S100Z: variants seen among roughly 807,000 people sequenced by gnomAD.
The protein encoded by S100Z is protein S100-Z.
S100Z carries 11 observed loss-of-function variants against 8.5 expected under a neutral mutation model. That is an observed-to-expected ratio of 1.30 (90% CI 0.82 to 2.15). S100Z has a LOEUF of 2.15. Ranked by LOEUF, S100Z falls within the 30% of genes most tolerant of loss-of-function variation. The probability of loss-of-function intolerance (pLI) is 0.00; values close to 1 mark genes in which losing one functional copy is unlikely to be tolerated. For missense variants in S100Z, 126 were observed against 117.9 expected (o/e 1.07, Z -0.32); for synonymous variants, 34 against 43.8 (o/e 0.78, Z 0.89).
At chr5:76,874,870 AAAGACTATT>A (rs766508031) in intron 2 of S100Z, among the ~76,000 whole-genome samples, 7 of 152,006 alleles carry the variant, frequency 4.6e-5, no homozygotes, top group Non-Finnish European at 1.0e-4. Context: ...CTCTTTAATG[AAAGACTATT>A]ATTATTATTA....
intron 1 of S100Z, among the ~76,000 whole-genome samples, chr5:76,862,688 G>A (rs1751096958): frequency 6.6e-6 from 1 of 152,024 alleles, no homozygotes; most frequent in Non-Finnish European, 1.5e-5. Context: ...TGTAGTCCCA[G>A]CTACTCTGGA....
At chr5:76,945,525 G>C in the S100Z span, among the ~76,000 whole-genome samples, 2 of 152,340 alleles carry the variant, frequency 1.3e-5, no homozygotes, top group Admixed American at 6.5e-5. Context: ...GAGAAAAGCC[G>C]CCCTGTGGCG....
intron 4 of S100Z, among the ~76,000 whole-genome samples, chr5:76,918,269 C>A (rs899554524): frequency 6.6e-6 from 1 of 152,156 alleles, no homozygotes; most frequent in Non-Finnish European, 1.5e-5. Context: ...TGCAGTGGTA[C>A]AATCTCAGCT....
chr5:76,915,552 G>A (rs1425664587), intron 4 of S100Z, among the ~76,000 whole-genome samples: 3 of 151,636 alleles, frequency 2.0e-5, no homozygotes, highest in African/African-American at 4.9e-5. Flanking sequence ...AGCTTGCAAT[G>A]AGCCGAGATC....
At chr5:76,952,948 AGGGTAACCCATGGTTACT>A in the S100Z span, 1 of 595,412 alleles carries the variant, frequency 1.7e-6, no homozygotes, top group Non-Finnish European at 3.0e-6. Context: ...TCAATGAGAC[AGGGTAACCCATGGTTACT>A]GAGCTCCGAT....
intron 1 of S100Z, among the ~76,000 whole-genome samples, chr5:76,858,154 C>G (rs1257084833): frequency 6.6e-6 from 1 of 152,194 alleles, no homozygotes. Flanking sequence ...GATTCCACCA[C>G]ACTCATTTCA....
At chr5:76,909,352 A>G (rs1002596284) in intron 4 of S100Z, among the ~76,000 whole-genome samples, 2 of 152,134 alleles carry the variant, frequency 1.3e-5, no homozygotes, top group African/African-American at 4.8e-5. Flanking sequence ...GCCTGGCCCC[A>G]ATATTCTCTC....
the S100Z span, among the ~76,000 whole-genome samples, chr5:76,929,049 G>T: frequency 6.6e-6 from 1 of 152,176 alleles, no homozygotes. Context: ...TGGCTATTTG[G>T]CTGTCTCTTG....
chr5:76,911,490 A>G (rs1234571158), intron 4 of S100Z, among the ~76,000 whole-genome samples: 1 of 152,162 alleles, frequency 6.6e-6, no homozygotes, highest in Non-Finnish European at 1.5e-5. Context: ...GCCTTTGAGG[A>G]TCCCACAGAC....
intron 4 of S100Z, among the ~76,000 whole-genome samples, chr5:76,895,535 TTTTTAA>T (rs561379379): frequency 1.3e-5 from 2 of 152,136 alleles, no homozygotes; most frequent in East Asian, 3.9e-4. Context: ...CCATTTTAAT[TTTTTAA>T]TTTTTAAATT....
chr5:76,871,159 A>G (rs1391428507), intron 2 of S100Z, among the ~76,000 whole-genome samples: 1 of 152,130 alleles, frequency 6.6e-6, no homozygotes, highest in African/African-American at 2.4e-5. Context: ...GACAGATAGC[A>G]GACCATGAAG....
chr5:76,862,905 C>G (rs939429388), intron 1 of S100Z, among the ~76,000 whole-genome samples: 1 of 152,306 alleles, frequency 6.6e-6, no homozygotes, highest in African/African-American at 2.4e-5. Context: ...TGTACCTTCT[C>G]TTAAGAAATC....
intron 4 of S100Z, among the ~76,000 whole-genome samples, chr5:76,899,747 A>AT (rs1744169830): frequency 6.6e-6 from 1 of 152,154 alleles, no homozygotes; most frequent in Non-Finnish European, 1.5e-5. Flanking sequence ...TTGGTTCATC[A>AT]TTTAGTCTTT....
At position 76,902,903 on chromosome 5, in the gene S100Z, C is replaced by T. The variant is rs117198936; in HGVS notation, c.*3-17814C>T. On this transcript the variant is annotated intron_variant, in intron 4 of 4. Transcript: ENST00000317593. ...TTTTTCTGCTTAAAAATAAATAAGG[C>T]GGCTGGGCACGGTGGCTTACACCTG... Among the ~76,000 whole-genome samples, 84 of 152,192 alleles carry T rather than the reference C, an allele frequency of 5.5e-4. 1 individual carries two copies. The East Asian group carries it at 0.015, about 27-fold the overall frequency.
At chr5:76,935,374 T>G in the S100Z span, among the ~76,000 whole-genome samples, 1 of 152,166 alleles carries the variant, frequency 6.6e-6, no homozygotes, top group African/African-American at 2.4e-5. Context: ...GACACATCAT[T>G]GAGATTAATT....
At chr5:76,938,656 C>G in the S100Z span, among the ~76,000 whole-genome samples, 2 of 152,102 alleles carry the variant, frequency 1.3e-5, no homozygotes, top group African/African-American at 4.8e-5. Flanking sequence ...TTTACCTGTC[C>G]CAACATTGCA....
intron 2 of S100Z, among the ~76,000 whole-genome samples, chr5:76,871,401 A>G (rs1350092576): frequency 6.6e-6 from 1 of 152,174 alleles, no homozygotes; most frequent in Non-Finnish European, 1.5e-5. Context: ...TTTCATCTAC[A>G]TAAGAAGAAC....
intron 4 of S100Z, among the ~76,000 whole-genome samples, chr5:76,892,329 C>T (rs1222999699): frequency 1.3e-5 from 2 of 152,158 alleles, no homozygotes; most frequent in Non-Finnish European, 2.9e-5. Context: ...CCAAAGATGT[C>T]TGCCAGCTGC....
intron 4 of S100Z, among the ~76,000 whole-genome samples, chr5:76,904,887 TTTTTA>T (rs1744373245): frequency 2.0e-5 from 3 of 151,380 alleles, no homozygotes; most frequent in African/African-American, 7.4e-5. Context: ...AGAACATAAA[TTTTTA>T]ATTTTGAAAA....
Sources: gnomAD v4.1 joint callset for allele counts (sites outside exome capture counted in the v4.1 genomes callset) on GRCh38, gnomAD v4.1.1 for gene constraint, MANE v1.5 for transcripts, NCBI Gene and HGNC (gene_info 2026-07-23, HGNC 2026-07-21) for gene names.